ASCC3: variants seen among roughly 807,000 people sequenced by gnomAD.
ASCC3 encodes activating signal cointegrator 1 complex subunit 3, also known as ASC-1 complex subunit P200.
Under a neutral mutation model 256.3 loss-of-function variants are expected in ASCC3, and 158 were observed. That is an observed-to-expected ratio of 0.62 (90% CI 0.54 to 0.70). The LOEUF is 0.70. ASCC3 is among the 30% of genes least tolerant of loss of function. The pLI is 0.00. For synonymous variants in ASCC3, 948 were observed against 883.4 expected, an observed-to-expected ratio of 1.07 and a Z score of -1.30; for missense variants, 2,259 against 2,626.0, an observed-to-expected ratio of 0.86 and a Z score of 3.05.
At chr6:100,532,144 T>A (rs973699434) in intron 37 of ASCC3, among the ~76,000 whole-genome samples, 1 of 151,528 alleles carries the variant, frequency 6.6e-6, no homozygotes, top group Non-Finnish European at 1.5e-5. Flanking sequence ...CAGTCCATTT[T>A]TAATGACTTC....
chr6:100,753,465 G>C (rs1781035387), intron 10 of ASCC3, among the ~76,000 whole-genome samples: 1 of 148,686 alleles, frequency 6.7e-6, no homozygotes, highest in African/African-American at 2.5e-5. Flanking sequence ...TCAGTAAAGG[G>C]CATGAAAAAA....
At chr6:100,769,335 A>G (rs1411111200) in intron 8 of ASCC3, among the ~76,000 whole-genome samples, 1 of 151,968 alleles carries the variant, frequency 6.6e-6, no homozygotes. Flanking sequence ...ATAATAATAT[A>G]TATTTCAAGA....
At chr6:100,709,564 A>G (rs1778772541) in intron 13 of ASCC3, among the ~76,000 whole-genome samples, 1 of 152,184 alleles carries the variant, frequency 6.6e-6, no homozygotes, top group African/African-American at 2.4e-5. Context: ...TTAAAAGTCC[A>G]AAGAGACTTA....
intron 13 of ASCC3, among the ~76,000 whole-genome samples, chr6:100,714,546 C>A (rs1778999398): frequency 6.6e-6 from 1 of 152,030 alleles, no homozygotes; most frequent in African/African-American, 2.4e-5. Flanking sequence ...GATAATAGTA[C>A]CTGCCTCATA....
intron 5 of ASCC3, among the ~76,000 whole-genome samples, chr6:100,805,514 G>T (rs906729813): frequency 1.3e-5 from 2 of 152,032 alleles, no homozygotes; most frequent in Non-Finnish European, 2.9e-5. Flanking sequence ...CAAAATAAAA[G>T]AAGAAAGTTG....
chr6:100,629,269 A>G, intron 26 of ASCC3, 88 bp from the exon 27 acceptor site: 1 of 1,236,712 alleles, frequency 8.1e-7, no homozygotes, highest in Non-Finnish European at 1.1e-6. Flanking sequence ...TTAAAATAAA[A>G]TTTTATAAGG....
At chr6:100,747,136 C>CA (rs34268050) in intron 10 of ASCC3, among the ~76,000 whole-genome samples, 69,770 of 139,952 alleles carry the variant, frequency 0.5, 16,658 homozygotes, top group South Asian at 0.62. Context: ...CATATAGTTG[C>CA]AAAAAAAAAA....
chr6:100,592,966 A>C (rs1772083492), intron 34 of ASCC3, among the ~76,000 whole-genome samples: 1 of 152,062 alleles, frequency 6.6e-6, no homozygotes, highest in Non-Finnish European at 1.5e-5. Flanking sequence ...CGGACAGCCT[A>C]CCTTTTTGTC....
chr6:100,563,084 G>A (rs912333408), intron 36 of ASCC3, among the ~76,000 whole-genome samples: 2 of 151,652 alleles, frequency 1.3e-5, no homozygotes, highest in Admixed American at 1.3e-4. Context: ...CCACTGGAGT[G>A]TTAGTGGCTA....
intron 4 of ASCC3, among the ~76,000 whole-genome samples, chr6:100,807,648 C>T (rs1413685550): frequency 2.6e-5 from 4 of 151,830 alleles, no homozygotes; most frequent in Non-Finnish European, 5.9e-5. Flanking sequence ...TGATTGTATT[C>T]TTCACTGTCA....
rs746839850 is a variant in ASCC3, at chr6:100,540,233, G to A, written c.5705C>T (p.Ala1902Val). The A allele has an allele frequency of 1.2e-6, 2 of 1,614,058 alleles. No homozygotes were observed. The highest frequency in any genetic ancestry group is 2.2e-5 in the South Asian group (2 of 91,072). Reference sequence around the variant, plus strand: ...GTCATAATCTGGGCAGGGTAGCATGGCTCGGCTGAGATGTGCCTGTAGCAG... The same window carrying A: ...GTCATAATCTGGGCAGGGTAGCATGACTCGGCTGAGATGTGCCTGTAGCAG... ...HLLLQAHLSRAMLPCPDYDTD... is the reference protein window; with the variant it reads ...HLLLQAHLSRVMLPCPDYDTD... The change falls in exon 37 of 42, where the codon GCC becomes GTC. Residue 1902 changes from alanine (A) to valine (V), a missense_variant. By Grantham distance (64) the Ala-to-Val change is moderately conservative. This residue lies in a region of ASCC3 where 1,839 missense variants were observed against 2,206.7 expected (regional missense o/e 0.83). Transcript: ENST00000369162.
At position 100,723,902 on chromosome 6, in the gene ASCC3, A is replaced by AT. The variant is rs1233478212; in HGVS notation, c.1902+1636_1902+1637insA. 2.6e-3 allele frequency among the ~76,000 whole-genome samples: 325 copies of AT among 126,644 alleles called. 6 individuals carry two copies. Among genetic ancestry groups the AT allele is most frequent in the East Asian group, 0.016 (67 of 4,100 alleles). 83.1% of individuals were successfully genotyped at this position (126,644 alleles called of 152,430 possible). ...TATATATATATATATATATATTTAT[A>AT]ATTATATATATGACACATATATATA... is the stretch of plus-strand genomic sequence containing the variant. On this transcript the variant is annotated intron_variant, in intron 11 of 41. Transcript: ENST00000369162.
rs557768671 is a variant in ASCC3, at chr6:100,811,880, T to C, written c.802-6000A>G. On this transcript the variant is annotated intron_variant, in intron 4 of 41. Transcript: ENST00000369162. Reference sequence around the variant, plus strand: ...CAACACTGACCTCTAAAATCATTCTTTCAAAGGGGCCACAGAGTTATTGGA... The same window carrying C: ...CAACACTGACCTCTAAAATCATTCTCTCAAAGGGGCCACAGAGTTATTGGA... 3.3e-5 allele frequency among the ~76,000 whole-genome samples: 5 copies of C among 152,266 alleles called. No homozygotes were observed. In the South Asian group the frequency reaches 1.0e-3, roughly 32 times the overall value.
chr6:100,640,401 A>G (rs970672004), intron 24 of ASCC3, among the ~76,000 whole-genome samples: 7 of 152,196 alleles, frequency 4.6e-5, no homozygotes, highest in Non-Finnish European at 1.0e-4. Context: ...TCTAATATCA[A>G]CTGAGATGTT....
intron 25 of ASCC3, among the ~76,000 whole-genome samples, chr6:100,634,864 C>CAAAAAAAAAAAAA (rs199632200): frequency 1.4e-4 from 17 of 119,186 alleles, no homozygotes; most frequent in African/African-American, 2.8e-4. Flanking sequence ...CCTCAAAAAA[C>CAAAAAAAAAAAAA]AAAAAAAAAA....
chr6:100,636,084 A>T (rs887366237), intron 25 of ASCC3, among the ~76,000 whole-genome samples: 1 of 152,168 alleles, frequency 6.6e-6, no homozygotes, highest in African/African-American at 2.4e-5. Context: ...TCTTGCTGCA[A>T]ATTATCCTAA....
intron 38 of ASCC3, among the ~76,000 whole-genome samples, chr6:100,517,213 G>T (rs1048720518): frequency 6.6e-6 from 1 of 152,048 alleles, no homozygotes; most frequent in Non-Finnish European, 1.5e-5. Context: ...CTTGCTGTGT[G>T]CCTGAGGTTC....
In ASCC3 at chr6:100,509,521, T is replaced by G. The variant is rs771586480; in HGVS notation, c.6474A>C (p.Thr2158=). The G allele has an allele frequency of 6.2e-7, 1 of 1,612,386 alleles. No individual in the cohort carries two copies. The highest frequency in any genetic ancestry group is 8.5e-7 in the Non-Finnish European group (1 of 1,178,436). ...GGTAGCAGTCACTCATGAAATATAA[T>G]GTGTAGATATACCTAAAATATAAAA... ...TPEIPGRYIY[T]LYFMSDCYLG... Residue 2158 remains threonine (T), a synonymous_variant, in exon 42 of 42, where the codon ACA becomes ACC. Coordinates refer to ENST00000369162, the MANE Select transcript of ASCC3 (RefSeq NM_006828.4).
At chr6:100,589,487 T>C in intron 36 of ASCC3, 147 bp downstream of exon 36, 1 of 854,580 alleles carries the variant, frequency 1.2e-6, no homozygotes, top group East Asian at 2.7e-5. Context: ...ATGGGTATCT[T>C]AGTCTAGATG....
Sources: allele counts gnomAD v4.1 joint callset (sites outside exome capture counted in the v4.1 genomes callset), GRCh38; gene constraint gnomAD v4.1.1; regional missense constraint gnomAD v4.1.1; transcripts MANE v1.5; gene names NCBI Gene and HGNC (gene_info 2026-07-23, HGNC 2026-07-21).